The following PARP15 variants were observed in gnomAD, a reference collection of about 807,000 sequenced individuals.
PARP15 encodes the protein protein mono-ADP-ribosyltransferase PARP15.
A neutral mutation model predicts 62.1 loss-of-function variants in PARP15; 50 were observed. That is an observed-to-expected ratio of 0.81 (90% CI 0.64 to 1.02). PARP15 has a LOEUF of 1.02. PARP15 is among the 50% of genes least tolerant of loss of function. The probability of loss-of-function intolerance (pLI) is 0.00; values close to 1 mark genes in which losing one functional copy is unlikely to be tolerated. For missense variants in PARP15, 820 were observed against 826.5 expected, an observed-to-expected ratio of 0.99 and a Z score of 0.10; for synonymous variants, 309 against 293.1, an observed-to-expected ratio of 1.05 and a Z score of -0.55.
intron 5 of PARP15, 122 bp downstream of exon 5, chr3:122,615,979 G>T: frequency 1.1e-6 from 1 of 914,938 alleles, no homozygotes; most frequent in Non-Finnish European, 1.7e-6. Flanking sequence ...TGTGATGGGG[G>T]AGGTGTTAGA....
At chr3:122,587,118 CT>C (rs1267942667) in intron 1 of PARP15, among the ~76,000 whole-genome samples, 1 of 151,948 alleles carries the variant, frequency 6.6e-6, no homozygotes, top group Non-Finnish European at 1.5e-5. Flanking sequence ...GTGTGTGTGT[CT>C]TGATAACTCA....
At chr3:122,615,252 G>T in intron 4 of PARP15, 1 of 1,285,812 alleles carries the variant, frequency 7.8e-7, no homozygotes, top group South Asian at 1.2e-5. Context: ...AATGTCTGAG[G>T]TTTTCTAACG....
At position 122,635,825 on chromosome 3, in the gene PARP15, A is replaced by G. The variant is rs758190409; in HGVS notation, c.1762A>G (p.Lys588Glu). Residue 588 changes from lysine (K) to glutamate (E), a missense_variant, in exon 12 of 12, where the codon AAA (lysine) becomes GAA (glutamate). Lys to Glu is a moderately conservative substitution (Grantham distance 56). This residue lies in a region of PARP15 where 731 missense variants were observed against 727.7 expected (regional missense o/e 1.00). Transcript: ENST00000464300. ...CAGKNAVSYG[K>E]GTYFAVDASY... is the part of the protein sequence containing the mutation. ...TCTCTTTCCAGCTGTATCCTATGGA[A>G]AAGGAACCTATTTTGCTGTGGATGC... The G allele has an allele frequency of 6.2e-7, 1 of 1,613,548 alleles. No individual in the cohort carries two copies. The highest frequency in any genetic ancestry group is 1.1e-5 in the South Asian group (1 of 91,066).
chr3:122,632,711 G>A (rs191191431), intron 10 of PARP15, among the ~76,000 whole-genome samples: 76 of 152,310 alleles, frequency 5.0e-4, no homozygotes, highest in Non-Finnish European at 8.4e-4. Flanking sequence ...GTCCTGTCCC[G>A]CAGTTACTGG....
chr3:122,606,803 T>C (rs1935190447), intron 2 of PARP15, among the ~76,000 whole-genome samples: 1 of 152,226 alleles, frequency 6.6e-6, no homozygotes, highest in Non-Finnish European at 1.5e-5. Flanking sequence ...CTGGTTCAGA[T>C]GCTTCTTAGA....
chr3:122,608,471 C>T (rs1935329970), intron 2 of PARP15, among the ~76,000 whole-genome samples: 1 of 152,122 alleles, frequency 6.6e-6, no homozygotes, highest in African/African-American at 2.4e-5. Context: ...CTGCCTTGGC[C>T]TCCCAAAATG....
rs1161704191 is a variant in PARP15 at position 122,636,638 on chromosome 3, C to T, written c.*538C>T. On this transcript the variant is annotated 3_prime_UTR_variant, in exon 12 of 12. Transcript: ENST00000464300. ...TAACAGATTTTACCTGTTTACATTT[C>T]AGGTAAAAATGTATCGCATTGTTAT... is the stretch of plus-strand genomic sequence containing the variant. 6.5e-6 allele frequency: 1 copy of T among 153,560 alleles called. No homozygotes were observed. The highest frequency in any genetic ancestry group is 1.5e-5 in the Non-Finnish European group (1 of 68,946). The allele number at this position is 153,560 out of a possible 1,614,324, so 9.5% of individuals were successfully genotyped here.
At position 122,577,705 on chromosome 3, in the gene PARP15, G is replaced by T. The variant is rs1345351853; in HGVS notation, c.38G>T (p.Ser13Ile). The change falls in exon 1 of 12, where the codon AGT becomes ATT. Residue 13 changes from serine to isoleucine, a missense_variant. Physicochemically the swap from Ser to Ile is moderately radical, Grantham distance 142 (BLOSUM62 -2). Transcript: ENST00000464300. ...APGPLPAAAL[S>I]PGAPTPRELM... ...GGCCCCCTTCCTGCCGCTGCTCTGA[G>T]TCCAGGGGCTCCGACCCCCAGAGAA... 1 of 1,551,690 alleles carries T rather than the reference G, an allele frequency of 6.4e-7. No individual in the cohort carries two copies. Among genetic ancestry groups the T allele is most frequent in the Admixed American group, 2.0e-5 (1 of 51,002 alleles).
chr3:122,593,288 G>A (rs28682959), intron 1 of PARP15, among the ~76,000 whole-genome samples: 12,331 of 151,864 alleles, frequency 0.081, 1,633 homozygotes, highest in African/African-American at 0.28. Flanking sequence ...ACAGATGCCC[G>A]CCACCATGCC....
At chr3:122,635,410 T>A (rs1182818547) in intron 11 of PARP15, among the ~76,000 whole-genome samples, 1 of 152,026 alleles carries the variant, frequency 6.6e-6, no homozygotes, top group Non-Finnish European at 1.5e-5. Context: ...CAGTTTTTTT[T>A]TTAATGGGCT....
Position 122,579,161 on chromosome 3 carries a change from C to T in PARP15, c.186+1308C>T, listed in dbSNP as rs565017926. On this transcript the variant is annotated intron_variant, in intron 1 of 11. Transcript: ENST00000464300. ...GTTTTGAAGCACATAGAAAAGGAAGCGAAACAAAGGATGCCTTTTCATTGT... is the reference window on the plus strand; with the variant it reads ...GTTTTGAAGCACATAGAAAAGGAAGTGAAACAAAGGATGCCTTTTCATTGT... 1.6e-4 allele frequency among the ~76,000 whole-genome samples: 24 copies of T among 152,180 alleles called. No homozygotes were observed. The East Asian group carries it at 4.2e-3, about 27-fold the overall frequency.
intron 7 of PARP15, chr3:122,621,206 G>T: frequency 2.4e-6 from 1 of 419,672 alleles, no homozygotes; most frequent in Admixed American, 4.2e-5. Context: ...GCAGATTGAT[G>T]CAGATAAAGT....
chr3:122,605,361 C>T (rs140954446), intron 1 of PARP15, among the ~76,000 whole-genome samples: 2,407 of 152,104 alleles, frequency 0.016, 64 homozygotes, highest in African/African-American at 0.053. Flanking sequence ...CTGGGGAATA[C>T]AGACAGGGTT....
At chr3:122,598,360 A>G (rs954607515) in intron 1 of PARP15, among the ~76,000 whole-genome samples, 1 of 152,218 alleles carries the variant, frequency 6.6e-6, no homozygotes, top group African/African-American at 2.4e-5. Flanking sequence ...CTGGCTCAGT[A>G]TCTATCATGA....
At chr3:122,607,024 C>G (rs754427625) in intron 2 of PARP15, among the ~76,000 whole-genome samples, 12 of 152,170 alleles carry the variant, frequency 7.9e-5, no homozygotes, top group Non-Finnish European at 1.8e-4. Context: ...TTAGAGTCCT[C>G]TGTCACGTGG....
chr3:122,584,869 C>T (rs773734209), intron 1 of PARP15, among the ~76,000 whole-genome samples: 2 of 152,150 alleles, frequency 1.3e-5, no homozygotes, highest in Non-Finnish European at 2.9e-5. Flanking sequence ...TGAGCTACCA[C>T]GCCGGGCCCA....
At chr3:122,627,539 T>C (rs1936812602) in intron 9 of PARP15, among the ~76,000 whole-genome samples, 1 of 152,238 alleles carries the variant, frequency 6.6e-6, no homozygotes, top group Non-Finnish European at 1.5e-5. Flanking sequence ...GGTGTGTTTA[T>C]ACTTTAAGTA....
chr3:122,621,481 T>C lies in PARP15; in HGVS notation c.1101T>C (p.Gly367=), dbSNP rs774417171. The part of the protein sequence containing the change: ...QPHRDFIITP[G]GCLKCKIIIH... ...ACAGAGATTTTATAATTACACCAGG[T>C]GGATGCTTAAAGTGCAAAATAATAA... The change falls in exon 8 of 12, where the codon GGT becomes GGC. Residue 367 remains glycine, a synonymous_variant. Transcript: ENST00000464300. The C allele has an allele frequency of 6.2e-7, 1 of 1,613,564 alleles. No homozygotes were observed. Among genetic ancestry groups the C allele is most frequent in the Non-Finnish European group, 8.5e-7 (1 of 1,179,852 alleles).
At chr3:122,608,566 C>T (rs1935336807) in intron 2 of PARP15, among the ~76,000 whole-genome samples, 1 of 152,212 alleles carries the variant, frequency 6.6e-6, no homozygotes, top group Admixed American at 6.5e-5. Context: ...GCCTTGCTGC[C>T]TTCTTTCTAC....
Sources: gnomAD v4.1 joint callset for allele counts (sites outside exome capture counted in the v4.1 genomes callset) on GRCh38, gnomAD v4.1.1 for gene constraint, gnomAD v4.1.1 regional missense constraint, MANE v1.5 for transcripts, NCBI Gene and HGNC (gene_info 2026-07-23, HGNC 2026-07-21) for gene names.